The following NPIPB8 variants were observed in gnomAD, a reference collection of about 807,000 sequenced individuals.
NPIPB8 encodes the protein nuclear pore complex interacting protein family member B8, also known as nuclear pore complex-interacting protein family member B8.
NPIPB8 carries 3 observed loss-of-function variants against 5.3 expected under a neutral mutation model. The observed-to-expected ratio is 0.57, with a 90% CI of 0.26 to 1.47. The LOEUF is 1.47. Among genes scored for constraint, NPIPB8 ranks in the 40% most tolerant of loss-of-function variants. NPIPB8 has a pLI of 0.13. For synonymous variants in NPIPB8, 18 were observed against 23.0 expected (o/e 0.78, Z 0.62); for missense variants, 50 against 50.2 (o/e 1.00, Z 0.01).
chr16:28,644,628 G>A (rs1176262803), intron 2 of NPIPB8: 2 of 1,502,966 alleles, frequency 1.3e-6, no homozygotes, highest in Admixed American at 2.1e-5. Context: ...GGCTCCTGCT[G>A]GGATTTATCA....
At chr16:28,644,599 C>A (rs574153914) in intron 2 of NPIPB8, 34 of 1,528,042 alleles carry the variant, frequency 2.2e-5, no homozygotes, top group African/African-American at 4.7e-5. Context: ...CATGCGGCTG[C>A]GCTTTTGGCT....
chr16:28,651,073 C>T (rs1166651693), intron 3 of NPIPB8, among the ~76,000 whole-genome samples: 1 of 67,012 alleles, frequency 1.5e-5, no homozygotes, highest in Non-Finnish European at 2.6e-5. Context: ...CAACCTCTGC[C>T]TCCTGGGTTC....
At position 28,642,577 on chromosome 16, in the gene NPIPB8, C is replaced by T. The variant is rs549281366; in HGVS notation, c.120+4097C>T. Among the ~76,000 whole-genome samples the T allele has an allele frequency of 9.1e-4, 138 of 151,354 alleles. 1 individual carries two copies. The highest frequency in any genetic ancestry group is 3.0e-3 in the African/African-American group (122 of 41,136). ...TCGGCTCACTGCAGACTCTGCCTCC[C>T]GGGTTCAAACTATTCTCCTGCCTCA... On this transcript the variant is annotated intron_variant, in intron 2 of 7. Transcript: ENST00000683297.
chr16:28,638,316 C>A lies in NPIPB8; in HGVS notation c.-38-7C>A. 6.4e-7 allele frequency: 1 copy of A among 1,558,718 alleles called. No homozygotes were observed. Among genetic ancestry groups the A allele is most frequent in the Non-Finnish European group, 8.6e-7 (1 of 1,159,674 alleles). ...TCAACAAACTTTTTTTCTTAATTGT[C>A]TAATAGGTTGGCACTCATCATGAGC... On this transcript the variant is annotated splice_region_variant and splice_polypyrimidine_tract_variant and intron_variant, in intron 1 of 7. Transcript: ENST00000683297.
intron 2 of NPIPB8, among the ~76,000 whole-genome samples, chr16:28,639,605 A>G (rs71383734): frequency 0.93 from 101,557 of 109,204 alleles, 46,981 homozygotes; most frequent in Middle Eastern, 0.98. Context: ...ACAGGTGTGC[A>G]CCATCATGCC....
intron 2 of NPIPB8, among the ~76,000 whole-genome samples, chr16:28,642,800 T>C (rs2047928418): frequency 6.6e-6 from 1 of 152,014 alleles, no homozygotes; most frequent in African/African-American, 2.4e-5. Context: ...GTTTTTGTTT[T>C]GCTTGTTTCT....
At position 28,639,455 on chromosome 16, in the gene NPIPB8, AT is replaced by A. The variant is rs1181691602; in HGVS notation, c.120+994del. Among the ~76,000 whole-genome samples the A allele has an allele frequency of 5.4e-3, 654 of 120,830 alleles. 7 individuals carry two copies. Among genetic ancestry groups the A allele is most frequent in the East Asian group, 0.025 (108 of 4,318 alleles). 79.3% of individuals were successfully genotyped at this position (120,830 alleles called of 152,430 possible). A position where few individuals can be genotyped will look rare whatever the true frequency, so the allele number is the denominator to read the frequency against. ...CACACACACACACACATATATATAT[AT>A]TTTTTTTTTTTTTTTTTTGAGACAG... On this transcript the variant is annotated intron_variant, in intron 2 of 7. Transcript: ENST00000683297.
At chr16:28,643,081 T>C (rs2047935047) in intron 2 of NPIPB8, among the ~76,000 whole-genome samples, 2 of 151,636 alleles carry the variant, frequency 1.3e-5, no homozygotes, top group Non-Finnish European at 2.9e-5. Context: ...CCTGCCCACC[T>C]GCTTGGAGCT....
chr16:28,642,107 CTT>C (rs200990085), intron 2 of NPIPB8, among the ~76,000 whole-genome samples: 1 of 146,440 alleles, frequency 6.8e-6, no homozygotes, highest in East Asian at 2.0e-4. Context: ...TCTAGGGCTT[CTT>C]TTTTTTTTTG....
rs3987664 is a variant in NPIPB8, at chr16:28,640,566, T to C, written c.120+2086T>C. Among the ~76,000 whole-genome samples the C allele has an allele frequency of 3.5e-4, 53 of 152,152 alleles. 1 individual carries two copies. Among genetic ancestry groups the C allele is most frequent in the Non-Finnish European group, 5.9e-4 (40 of 68,010 alleles). On this transcript the variant is annotated intron_variant, in intron 2 of 7. Transcript: ENST00000683297. ...GGCCCAGGAGAGAACCTGAAATACTTGGTGGACTCCATTAAGACCGTCATA... is the reference window on the plus strand; with the variant it reads ...GGCCCAGGAGAGAACCTGAAATACTCGGTGGACTCCATTAAGACCGTCATA...
chr16:28,643,038 T>G (rs1340219934), intron 2 of NPIPB8, among the ~76,000 whole-genome samples: 1 of 151,970 alleles, frequency 6.6e-6, no homozygotes, highest in Non-Finnish European at 1.5e-5. Context: ...TGATAGACAG[T>G]GGGGGTCTGT....
chr16:28,645,032 T>G (rs950695997), intron 2 of NPIPB8, among the ~76,000 whole-genome samples: 10 of 98,294 alleles, frequency 1.0e-4, no homozygotes, highest in African/African-American at 4.7e-4. Context: ...GTCATCTGGT[T>G]TGATGACTTT....
chr16:28,642,208 G>A (rs1392226146), intron 2 of NPIPB8, among the ~76,000 whole-genome samples: 5 of 150,512 alleles, frequency 3.3e-5, no homozygotes, highest in Non-Finnish European at 1.5e-5. Context: ...CGGGCCCAAG[G>A]GATTGTCCTG....
chr16:28,638,970 G>A (rs1272280479), intron 2 of NPIPB8, among the ~76,000 whole-genome samples: 1 of 150,214 alleles, frequency 6.7e-6, no homozygotes, highest in Non-Finnish European at 1.5e-5. Flanking sequence ...TCAGGAGGCT[G>A]AGACAGGAGA....
chr16:28,653,206 G>T (rs2048074183), intron 5 of NPIPB8, among the ~76,000 whole-genome samples: 1 of 102,520 alleles, frequency 9.8e-6, no homozygotes, highest in Non-Finnish European at 2.0e-5. Context: ...TTGAGTAGCT[G>T]GGACTACAGG....
intron 2 of NPIPB8, among the ~76,000 whole-genome samples, chr16:28,645,070 G>T (rs2047976915): frequency 8.5e-6 from 1 of 117,650 alleles, no homozygotes; most frequent in Non-Finnish European, 1.8e-5. Flanking sequence ...TTTAGACAGA[G>T]TCTCATTCTG....
chr16:28,652,910 T>G (rs1056183747), intron 5 of NPIPB8, among the ~76,000 whole-genome samples: 2 of 136,050 alleles, frequency 1.5e-5, no homozygotes, highest in Non-Finnish European at 3.2e-5. Context: ...GCTTTTTTTT[T>G]TTTTTTTTTT....
intron 3 of NPIPB8, among the ~76,000 whole-genome samples, chr16:28,651,310 TGAGACAGAG>T (rs2048038655): frequency 2.6e-5 from 1 of 38,290 alleles, no homozygotes; most frequent in African/African-American, 1.6e-4. Context: ...TTTTTTTTTT[TGAGACAGAG>T]TTTCAATTTT....
intron 2 of NPIPB8, among the ~76,000 whole-genome samples, chr16:28,645,219 C>T (rs1419464908): frequency 1.6e-5 from 2 of 122,240 alleles, no homozygotes; most frequent in African/African-American, 3.0e-5. Flanking sequence ...TTAGTAGAGA[C>T]GGGGTTTCAC....
Sources: allele counts gnomAD v4.1 joint callset (sites outside exome capture counted in the v4.1 genomes callset), GRCh38; gene constraint gnomAD v4.1.1; transcripts MANE v1.5; gene names NCBI Gene and HGNC (gene_info 2026-07-23, HGNC 2026-07-21).